The following ZNF66 variants were observed in gnomAD, a reference collection of about 807,000 sequenced individuals.
The protein encoded by ZNF66 is putative zinc finger protein 66.
Under a neutral mutation model 35.2 loss-of-function variants are expected in ZNF66, and 32 were observed. The observed-to-expected ratio is 0.91, with a 90% confidence interval of 0.69 to 1.22. ZNF66 has a LOEUF of 1.22. ZNF66 is among the 50% of genes most tolerant of loss of function. The probability of loss-of-function intolerance (pLI) is 0.00; values close to 1 mark genes in which losing one functional copy is unlikely to be tolerated. For synonymous variants in ZNF66, 231 were observed against 181.3 expected (o/e 1.27, Z -2.20); for missense variants, 666 against 543.1 (o/e 1.23, Z -2.25).
rs1971564735 is a variant in ZNF66, at chr19:20,809,410, A to G, written c.*2088A>G. On this transcript the variant is annotated 3_prime_UTR_variant, in exon 4 of 4. Transcript: ENST00000344519. ...CACCAAAGTTGAAATGAAGGAAAAAATGTTAAGGGCAGCCAGAGAGAAAGG... is the reference window on the plus strand; with the variant it reads ...CACCAAAGTTGAAATGAAGGAAAAAGTGTTAAGGGCAGCCAGAGAGAAAGG... Among the ~76,000 whole-genome samples the G allele has an allele frequency of 6.6e-6, 1 of 152,152 alleles. No individual in the cohort carries two copies. Among genetic ancestry groups the G allele is most frequent in the Non-Finnish European group, 1.5e-5 (1 of 68,024 alleles).
chr19:20,789,340 G>A (rs1357946553), intron 1 of ZNF66, among the ~76,000 whole-genome samples: 2 of 152,182 alleles, frequency 1.3e-5, no homozygotes, highest in Non-Finnish European at 2.9e-5. Flanking sequence ...TCTTTCCTCA[G>A]AGAACTGATT....
intron 3 of ZNF66, among the ~76,000 whole-genome samples, chr19:20,805,600 C>G (rs1971494354): frequency 6.6e-6 from 1 of 151,846 alleles, no homozygotes; most frequent in South Asian, 2.1e-4. Context: ...TTGCATTGTA[C>G]TCACCTTGGG....
intron 1 of ZNF66, among the ~76,000 whole-genome samples, chr19:20,786,906 C>A (rs553406511): frequency 2.0e-4 from 31 of 152,266 alleles, no homozygotes; most frequent in Admixed American, 3.3e-4. Flanking sequence ...GGATTACAGA[C>A]ATATGCCACT....
rs1599547035 is a variant in ZNF66, at chr19:20,785,682, G to A, written c.4-6830G>A. Among the ~76,000 whole-genome samples the A allele has an allele frequency of 3.9e-5, 6 of 152,202 alleles. 1 individual carries two copies. The highest frequency in any genetic ancestry group is 3.9e-4 in the Admixed American group (6 of 15,284). ...AAAGCCATTTTCTTTCTCTGGGGCTGAAGAAACCATTTTCTTTTTCTGGGG... is the reference window on the plus strand; with the variant it reads ...AAAGCCATTTTCTTTCTCTGGGGCTAAAGAAACCATTTTCTTTTTCTGGGG... On this transcript the variant is annotated intron_variant, in intron 1 of 3. Coordinates refer to ENST00000344519, the MANE Select transcript of ZNF66 (RefSeq NM_001355197.2).
intron 1 of ZNF66, among the ~76,000 whole-genome samples, chr19:20,777,376 G>T (rs12611005): frequency 0.55 from 83,547 of 150,716 alleles, 23,180 homozygotes; most frequent in East Asian, 0.59. Context: ...AGCTTAATTG[G>T]CAGTTTATAG....
At chr19:20,779,630 A>G (rs1971227248) in intron 1 of ZNF66, among the ~76,000 whole-genome samples, 1 of 152,056 alleles carries the variant, frequency 6.6e-6, no homozygotes. Context: ...GGTGTTTGAG[A>G]CCAGCCTGGC....
rs1971570845 is a variant in ZNF66, at chr19:20,809,794, A to G, written c.*2472A>G. Among the ~76,000 whole-genome samples the G allele has an allele frequency of 6.6e-6, 1 of 152,110 alleles. No individual in the cohort carries two copies. The highest frequency in any genetic ancestry group is 2.1e-4 in the South Asian group (1 of 4,810). On this transcript the variant is annotated 3_prime_UTR_variant, in exon 4 of 4. Coordinates refer to ENST00000344519, the MANE Select transcript of ZNF66 (RefSeq NM_001355197.2). ...GAACTAACGAGCAAAATAACCAGCT[A>G]ACATCATAATGACAGCATCAAATTC...
rs760966888 is a variant in ZNF66 at position 20,806,234 on chromosome 19, C to T, written c.634C>T (p.Arg212Trp). 5.9e-5 allele frequency: 84 copies of T among 1,416,520 alleles called. 1 individual carries two copies. Among genetic ancestry groups the T allele is most frequent in the East Asian group, 6.8e-5 (3 of 43,796 alleles). 87.7% of individuals were successfully genotyped at this position (1,416,520 alleles called of 1,614,324 possible). The change falls in exon 4 of 4, where the codon CGG (arginine) becomes TGG (tryptophan). Residue 212 changes from arginine to tryptophan, a missense_variant. Transcript: ENST00000344519. ...KCIECGKAFN[R>W]SSHLTTHKII... ...TATAGAATGTGGCAAAGCCTTCAACCGGTCCTCACACCTTACTACACATAA... is the reference window on the plus strand; with the variant it reads ...TATAGAATGTGGCAAAGCCTTCAACTGGTCCTCACACCTTACTACACATAA...
chr19:20,791,458 C>T (rs1971335922), intron 1 of ZNF66, among the ~76,000 whole-genome samples: 1 of 139,708 alleles, frequency 7.2e-6, no homozygotes, highest in Non-Finnish European at 1.5e-5. Flanking sequence ...GCACTCCAGC[C>T]TGGGGGACAA....
chr19:20,778,840 C>T (rs761866431), intron 1 of ZNF66, among the ~76,000 whole-genome samples: 11 of 150,928 alleles, frequency 7.3e-5, no homozygotes, highest in Non-Finnish European at 1.5e-4. Flanking sequence ...GTAAACACTG[C>T]GTTTGAGTAA....
chr19:20,808,498 C>T lies in ZNF66; in HGVS notation c.*1176C>T, dbSNP rs547499023. 2.6e-5 allele frequency among the ~76,000 whole-genome samples: 4 copies of T among 152,122 alleles called. No individual in the cohort carries two copies. Among genetic ancestry groups the T allele is most frequent in the Non-Finnish European group, 5.9e-5 (4 of 68,026 alleles). ...ACGGCTGGGTACTCCTCATATAAAA[C>T]TTCCAGAGGACCGATCAGGCAGCAG... On this transcript the variant is annotated 3_prime_UTR_variant, in exon 4 of 4. Transcript: ENST00000344519.
At chr19:20,794,020 TG>T in intron 3 of ZNF66, 142 bp downstream of exon 3, 1 of 562,168 alleles carries the variant, frequency 1.8e-6, no homozygotes, top group Non-Finnish European at 3.2e-6. Flanking sequence ...TTTTTGTTTT[TG>T]TTTTTGTTGT....
At chr19:20,777,953 T>C (rs556914724) in intron 1 of ZNF66, among the ~76,000 whole-genome samples, 1 of 152,340 alleles carries the variant, frequency 6.6e-6, no homozygotes, top group Admixed American at 6.5e-5. Context: ...CATGGATTCA[T>C]CAACACATTA....
In ZNF66 at chr19:20,806,641, C is replaced by T. The variant is rs544465272; in HGVS notation, c.1041C>T (p.Gly347=). The T allele has an allele frequency of 3.2e-6, 5 of 1,564,850 alleles. No homozygotes were observed. Among genetic ancestry groups the T allele is most frequent in the East Asian group, 2.2e-5 (1 of 44,604 alleles). ...GEKPYKCEEC[G]KGFKYSSTLT... is the part of the protein sequence containing the mutation. ...AACCCTACAAATGTGAAGAATGTGG[C>T]AAAGGCTTTAAGTACTCCTCTACCC... Residue 347 remains glycine (G), a synonymous_variant, in exon 4 of 4, where the codon GGC becomes GGT. Transcript: ENST00000344519.
chr19:20,777,708 C>T (rs535041769), intron 1 of ZNF66, among the ~76,000 whole-genome samples: 2 of 152,124 alleles, frequency 1.3e-5, no homozygotes, highest in African/African-American at 4.8e-5. Flanking sequence ...TCACTGCAAC[C>T]TCCACCTCAT....
intron 1 of ZNF66, among the ~76,000 whole-genome samples, chr19:20,788,596 G>C (rs949500383): frequency 1.3e-5 from 2 of 151,752 alleles, no homozygotes; most frequent in Non-Finnish European, 2.9e-5. Flanking sequence ...GTAGAGACAG[G>C]GTTTCACCAT....
intron 1 of ZNF66, among the ~76,000 whole-genome samples, chr19:20,786,045 G>GA (rs1971284188): frequency 6.6e-6 from 1 of 151,878 alleles, no homozygotes. Flanking sequence ...TGGGATTACA[G>GA]GTGTGAGTCA....
At position 20,776,359 on chromosome 19, in the gene ZNF66, C is replaced by T; in HGVS notation, c.-89C>T. 1 of 1,500,880 alleles carries T rather than the reference C, an allele frequency of 6.7e-7. No individual in the cohort carries two copies. Among genetic ancestry groups the T allele is most frequent in the Admixed American group, 1.7e-5 (1 of 59,534 alleles). The allele number at this position is 1,500,880 out of a possible 1,614,324, so 93.0% of individuals were successfully genotyped here. On this transcript the variant is annotated 5_prime_UTR_variant, in exon 1 of 4. Coordinates refer to ENST00000344519, the MANE Select transcript of ZNF66 (RefSeq NM_001355197.2). Reference sequence around the variant, plus strand: ...TCTGTTCACTGCTCTCTGTCTTCTTCTCCTAGAGGCCCAGCCTCTGTGGCC... The same window carrying T: ...TCTGTTCACTGCTCTCTGTCTTCTTTTCCTAGAGGCCCAGCCTCTGTGGCC...
chr19:20,796,135 A>G (rs938501842), intron 3 of ZNF66, among the ~76,000 whole-genome samples: 3 of 152,058 alleles, frequency 2.0e-5, no homozygotes, highest in African/African-American at 7.3e-5. Context: ...GCAGTTCTCC[A>G]ACGTTAATGT....
Sources: allele counts gnomAD v4.1 joint callset (sites outside exome capture counted in the v4.1 genomes callset), GRCh38; gene constraint gnomAD v4.1.1; transcripts MANE v1.5; gene names NCBI Gene and HGNC (gene_info 2026-07-23, HGNC 2026-07-21).